Variants in SLC12A1 observed in about 807,000 individuals in gnomAD.
SLC12A1 encodes Na-K-2Cl cotransporter.
SLC12A1 carries 89 observed loss-of-function variants against 130.4 expected under a neutral mutation model. That is an observed-to-expected ratio of 0.68 (90% confidence interval 0.58 to 0.81). The LOEUF (loss-of-function observed/expected upper bound fraction) is 0.81. Ranked by LOEUF, SLC12A1 falls within the 40% of genes least tolerant of loss-of-function variation. SLC12A1 has a pLI of 0.00. For missense variants in SLC12A1, 1,310 were observed against 1,336.4 expected, an observed-to-expected ratio of 0.98 and a Z score of 0.31; for synonymous variants, 499 against 460.0, an observed-to-expected ratio of 1.08 and a Z score of -1.09.
intron 9 of SLC12A1, chr15:48,236,888 T>C (rs2041446097): frequency 3.7e-6 from 2 of 546,486 alleles, no homozygotes; most frequent in Non-Finnish European, 6.5e-6. Context: ...AATTAAAGAA[T>C]ATTGCTCTTT....
chr15:48,280,863 C>A (rs556048330), intron 20 of SLC12A1, among the ~76,000 whole-genome samples: 1 of 152,090 alleles, frequency 6.6e-6, no homozygotes, highest in Non-Finnish European at 1.5e-5. Flanking sequence ...CACACACACA[C>A]TTCTCACACC....
At position 48,251,640 on chromosome 15, in the gene SLC12A1, C is replaced by A. The variant is rs1164806678; in HGVS notation, c.1812C>A (p.Tyr604Ter). 1 of 1,613,764 alleles carries A rather than the reference C, an allele frequency of 6.2e-7. No homozygotes were observed. The highest frequency in any genetic ancestry group is 8.5e-7 in the Non-Finnish European group (1 of 1,179,716). The change falls in exon 15 of 27, where the codon TAC (tyrosine) becomes TAA (stop). Residue 604 changes from tyrosine (Y) to a stop codon, truncating the protein, a stop_gained. Transcript: ENST00000380993. LOFTEE classifies it high-confidence loss of function. ...SPGWRPAYGI[Y>*]NMWVSLFGAV... Reference sequence around the variant, plus strand: ...GATGGAGACCTGCGTATGGAATTTACAACATGTGGGTATCTCTTTTTGGAG... The same window carrying A: ...GATGGAGACCTGCGTATGGAATTTAAAACATGTGGGTATCTCTTTTTGGAG...
chr15:48,291,528 T>C (rs529912536), intron 23 of SLC12A1, among the ~76,000 whole-genome samples: 1 of 152,182 alleles, frequency 6.6e-6, no homozygotes, highest in East Asian at 1.9e-4. Flanking sequence ...AAATGCAGAG[T>C]TGGATTGGCT....
chr15:48,299,728 A>G (rs1644891153), intron 25 of SLC12A1, among the ~76,000 whole-genome samples: 1 of 152,246 alleles, frequency 6.6e-6, no homozygotes, highest in Non-Finnish European at 1.5e-5. Flanking sequence ...TGGAACAATG[A>G]ATATGGAAGC....
chr15:48,291,489 A>G (rs1055482524), intron 23 of SLC12A1, among the ~76,000 whole-genome samples: 1 of 152,176 alleles, frequency 6.6e-6, no homozygotes, highest in Non-Finnish European at 1.5e-5. Context: ...AGAAATGTGG[A>G]CAGATTTGCA....
intron 6 of SLC12A1, among the ~76,000 whole-genome samples, chr15:48,230,119 T>C (rs2041352295): frequency 6.6e-6 from 1 of 152,182 alleles, no homozygotes; most frequent in East Asian, 1.9e-4. Flanking sequence ...AATATGTATA[T>C]GTATACATAT....
intron 5 of SLC12A1, chr15:48,228,171 T>C (rs2041316724): frequency 6.6e-6 from 1 of 152,204 alleles, no homozygotes; most frequent in African/African-American, 2.4e-5. Context: ...TCAGACCTCC[T>C]AACATCTAGT....
At chr15:48,283,594 G>A (rs1255357708) in intron 20 of SLC12A1, among the ~76,000 whole-genome samples, 1 of 152,246 alleles carries the variant, frequency 6.6e-6, no homozygotes, top group Non-Finnish European at 1.5e-5. Flanking sequence ...ACAATTCTGT[G>A]TAGCTGAATA....
Position 48,229,243 on chromosome 15 carries a change from T to C in SLC12A1, c.779T>C (p.Ile260Thr), listed in dbSNP as rs751318411. The C allele has an allele frequency of 6.3e-7, 1 of 1,597,406 alleles. No homozygotes were observed. The highest frequency in any genetic ancestry group is 8.5e-7 in the Non-Finnish European group (1 of 1,171,322). Residue 260 changes from isoleucine (I) to threonine (T), a missense_variant, in exon 6 of 27, where the codon ATA (isoleucine) becomes ACA (threonine). Transcript: ENST00000380993. ...RSLGPEFGGS[I>T]GLIFAFANAV... ...TTAGGGCCCGAGTTCGGTGGGTCAA[T>C]AGGCCTGATCTTTGCTTTTGCTAAT...
chr15:48,260,348 TCACACACACACA>T (rs10673427), intron 17 of SLC12A1, among the ~76,000 whole-genome samples: 7 of 144,440 alleles, frequency 4.8e-5, no homozygotes, highest in African/African-American at 1.3e-4. Context: ...TCTCTCTCTA[TCACACACACACA>T]CACACACACA....
intron 19 of SLC12A1, among the ~76,000 whole-genome samples, chr15:48,270,750 GTATA>G (rs71458477): frequency 9.5e-4 from 1 of 1,052 alleles, no homozygotes; most frequent in East Asian, 0.071. Flanking sequence ...GTGTATGTGT[GTATA>G]TATATATATA....
intron 15 of SLC12A1, among the ~76,000 whole-genome samples, chr15:48,252,185 A>G (rs1311953520): frequency 1.3e-5 from 2 of 152,014 alleles, no homozygotes; most frequent in African/African-American, 2.4e-5. Flanking sequence ...CCTGGGCAAC[A>G]AGAGCGAAAC....
intron 19 of SLC12A1, among the ~76,000 whole-genome samples, chr15:48,270,266 G>A (rs937208473): frequency 3.6e-4 from 55 of 152,262 alleles, no homozygotes; most frequent in African/African-American, 1.3e-3. Context: ...TGAGTTTCCG[G>A]TGGTACATAA....
intron 20 of SLC12A1, among the ~76,000 whole-genome samples, chr15:48,282,467 C>A (rs1389159887): frequency 6.6e-6 from 1 of 152,116 alleles, no homozygotes; most frequent in East Asian, 1.9e-4. Context: ...AGTGGCTAAT[C>A]ATAGGGCGCA....
At chr15:48,210,427 TG>T (rs1164387495) in intron 2 of SLC12A1, among the ~76,000 whole-genome samples, 2 of 152,030 alleles carry the variant, frequency 1.3e-5, no homozygotes, top group Non-Finnish European at 2.9e-5. Flanking sequence ...AAAAAAGAAA[TG>T]GGATAAATTC....
chr15:48,279,380 A>G (rs2041987870), intron 20 of SLC12A1, among the ~76,000 whole-genome samples: 1 of 152,232 alleles, frequency 6.6e-6, no homozygotes, highest in Non-Finnish European at 1.5e-5. Context: ...TAAAGGAAAT[A>G]TTAGCAATTC....
chr15:48,245,676 G>T (rs1192282545), intron 11 of SLC12A1, among the ~76,000 whole-genome samples: 1 of 152,124 alleles, frequency 6.6e-6, no homozygotes, highest in Admixed American at 6.5e-5. Flanking sequence ...CCATTGATGG[G>T]CATCTAGATT....
intron 21 of SLC12A1, among the ~76,000 whole-genome samples, chr15:48,287,748 T>G (rs1200863070): frequency 6.6e-6 from 1 of 152,178 alleles, no homozygotes; most frequent in Non-Finnish European, 1.5e-5. Context: ...ATAACTCCAC[T>G]CTGAGACAGA....
In SLC12A1 at chr15:48,267,564, C is replaced by A. The variant is rs1597441637; in HGVS notation, c.2158C>A (p.Pro720Thr). The A allele has an allele frequency of 6.2e-7, 1 of 1,613,214 alleles. No homozygotes were observed. The highest frequency in any genetic ancestry group is 8.5e-7 in the Non-Finnish European group (1 of 1,179,402). ...LCICCEVFVG[P>T]RKLCVKEMNS... is the part of the protein sequence containing the mutation. ...AATATTTCATTGTGTCACACAGGGA[C>A]CGCGCAAACTGTGTGTTAAGGAGAT... Residue 720 changes from proline (P) to threonine (T), a missense_variant, in exon 18 of 27, where the codon CCG becomes ACG. Physicochemically the swap from Pro to Thr is conservative, Grantham distance 38. Transcript: ENST00000380993.
Sources: gnomAD v4.1 joint callset for allele counts (sites outside exome capture counted in the v4.1 genomes callset) on GRCh38, gnomAD v4.1.1 for gene constraint, MANE v1.5 for transcripts, NCBI Gene and HGNC (gene_info 2026-07-23, HGNC 2026-07-21) for gene names.